CCSER2: variants seen among roughly 807,000 people sequenced by gnomAD.
CCSER2 encodes serine-rich coiled-coil domain-containing protein 2.
In CCSER2, 46 loss-of-function variants were observed where a neutral mutation model predicts 92.3. The observed-to-expected ratio is 0.50, with a 90% CI of 0.39 to 0.64. The LOEUF is 0.64. Ranked by LOEUF, CCSER2 falls within the 30% of genes least tolerant of loss-of-function variation. The probability of loss-of-function intolerance (pLI) is 0.00; values close to 1 mark genes in which losing one functional copy is unlikely to be tolerated. For missense variants in CCSER2, 1,244 were observed against 1,238.9 expected, an observed-to-expected ratio of 1.00 and a Z score of -0.06; for synonymous variants, 433 against 431.4, an observed-to-expected ratio of 1.00 and a Z score of -0.04.
intron 1 of CCSER2, among the ~76,000 whole-genome samples, chr10:84,354,865 C>T (rs1845076190): frequency 6.6e-6 from 1 of 151,504 alleles, no homozygotes; most frequent in Middle Eastern, 3.4e-3. Flanking sequence ...AAACATTATG[C>T]CTGGGGAAAA....
At chr10:84,437,710 GTTTT>G (rs769780704) in intron 5 of CCSER2, among the ~76,000 whole-genome samples, 6 of 126,818 alleles carry the variant, frequency 4.7e-5, no homozygotes, top group African/African-American at 1.1e-4. Context: ...TTTTAGAGTA[GTTTT>G]TTTTTTTTTT....
intron 9 of CCSER2, chr10:84,507,464 C>T (rs1849119149): frequency 5.7e-6 from 1 of 174,986 alleles, no homozygotes; most frequent in Non-Finnish European, 1.1e-5. Flanking sequence ...GGCTCTATTT[C>T]CACCTTCCTT....
chr10:84,397,283 A>G (rs1482218570), intron 3 of CCSER2, among the ~76,000 whole-genome samples: 1 of 152,206 alleles, frequency 6.6e-6, no homozygotes, highest in African/African-American at 2.4e-5. Context: ...CCCAAAGTAT[A>G]ATGTCCTTAA....
chr10:84,367,825 A>G (rs1845860880), intron 1 of CCSER2, among the ~76,000 whole-genome samples: 1 of 149,366 alleles, frequency 6.7e-6, no homozygotes, highest in African/African-American at 2.5e-5. Flanking sequence ...GTTTCATTAG[A>G]TGCATGTTCT....
At chr10:84,483,946 G>A (rs186889964) in intron 9 of CCSER2, among the ~76,000 whole-genome samples, 2,084 of 111,232 alleles carry the variant, frequency 0.019, 32 homozygotes, top group South Asian at 0.062. Context: ...CACCACACCC[G>A]GCTAATTTAT....
intron 1 of CCSER2, among the ~76,000 whole-genome samples, chr10:84,348,075 T>G (rs1844630782): frequency 6.6e-6 from 1 of 152,172 alleles, no homozygotes; most frequent in Admixed American, 6.5e-5. Context: ...GGCTGCAATC[T>G]CGGCACTTTG....
intron 7 of CCSER2, among the ~76,000 whole-genome samples, chr10:84,465,348 G>A (rs1345517433): frequency 8.0e-6 from 1 of 125,400 alleles, no homozygotes; most frequent in African/African-American, 3.0e-5. Flanking sequence ...TTTTTTAGAC[G>A]GAGCCTTGCT....
At chr10:84,444,320 G>T (rs375661860) in intron 6 of CCSER2, among the ~76,000 whole-genome samples, 39 of 152,248 alleles carry the variant, frequency 2.6e-4, no homozygotes, top group African/African-American at 7.7e-4. Flanking sequence ...TACTGTAAGG[G>T]ATATGTAGAA....
Position 84,398,032 on chromosome 10 carries a change from A to G in CCSER2, c.1615-19739A>G, listed in dbSNP as rs538967804. On this transcript the variant is annotated intron_variant, in intron 3 of 9. Coordinates refer to ENST00000372088, the MANE Select transcript of CCSER2 (RefSeq NM_001284240.2). ...CACAAATACAATGGCTTAAAACAAC[A>G]CACTGTTTGTTATCTTACTATCCTC... Among the ~76,000 whole-genome samples the G allele has an allele frequency of 2.6e-5, 4 of 152,296 alleles. No homozygotes were observed. In the East Asian group the frequency reaches 5.8e-4, roughly 22 times the overall value.
At chr10:84,478,230 A>C (rs1414100216) in intron 9 of CCSER2, among the ~76,000 whole-genome samples, 1 of 152,196 alleles carries the variant, frequency 6.6e-6, no homozygotes, top group African/African-American at 2.4e-5. Flanking sequence ...AAAATGTTAT[A>C]TCTCAAAACA....
intron 6 of CCSER2, among the ~76,000 whole-genome samples, chr10:84,460,095 T>A (rs1846010640): frequency 6.9e-6 from 1 of 144,754 alleles, no homozygotes. Context: ...CGATTTTTTT[T>A]TTTTTTTTTT....
intron 6 of CCSER2, among the ~76,000 whole-genome samples, chr10:84,458,071 T>C (rs1310055886): frequency 6.7e-6 from 1 of 149,844 alleles, no homozygotes; most frequent in East Asian, 2.0e-4. Flanking sequence ...TATCATTTTT[T>C]TGCCACCATT....
intron 9 of CCSER2, among the ~76,000 whole-genome samples, chr10:84,489,137 C>T (rs1199334804): frequency 1.3e-5 from 2 of 152,138 alleles, no homozygotes; most frequent in African/African-American, 4.8e-5. Flanking sequence ...TTTACATTTG[C>T]TGAGGAGTGC....
intron 9 of CCSER2, chr10:84,499,762 C>T (rs1179363653): frequency 1.2e-5 from 11 of 926,402 alleles, no homozygotes; most frequent in African/African-American, 1.6e-5. Context: ...TCTGTCTTCT[C>T]GTTAACACTA....
At chr10:84,425,627 CTA>C (rs1247450607) in intron 4 of CCSER2, 102 bp from the exon 5 acceptor site, 34 of 719,428 alleles carry the variant, frequency 4.7e-5, no homozygotes, top group Non-Finnish European at 6.5e-5. Context: ...TATTTTTAAA[CTA>C]TTATTTTTAT....
intron 3 of CCSER2, among the ~76,000 whole-genome samples, chr10:84,386,221 A>C (rs1057116019): frequency 2.0e-5 from 3 of 152,260 alleles, no homozygotes; most frequent in Admixed American, 2.0e-4. Context: ...CATTTGATCC[A>C]GCAGTCCTAC....
At chr10:84,342,237 A>C (rs12767479) in intron 1 of CCSER2, among the ~76,000 whole-genome samples, 8,865 of 152,274 alleles carry the variant, frequency 0.058, 370 homozygotes, top group Admixed American at 0.1. Flanking sequence ...TTTAGGAGCT[A>C]TGTGTCAGGA....
At chr10:84,435,112 G>T (rs1465360654) in intron 5 of CCSER2, among the ~76,000 whole-genome samples, 1 of 152,148 alleles carries the variant, frequency 6.6e-6, no homozygotes, top group East Asian at 1.9e-4. Flanking sequence ...CATGGTGGAG[G>T]TATTTGAAAT....
chr10:84,396,535 C>T lies in CCSER2; in HGVS notation c.1615-21236C>T, dbSNP rs190875138. The stretch of plus-strand genomic sequence containing the variant: ...GGTTCATTTGTTGCTGTTTGTATTT[C>T]GTTTTGGGTTCTGCCCACATCGTGG... On this transcript the variant is annotated intron_variant, in intron 3 of 9. Transcript: ENST00000372088. Among the ~76,000 whole-genome samples, 65 of 151,970 alleles carry T rather than the reference C, an allele frequency of 4.3e-4. 1 individual carries two copies. The highest frequency in any genetic ancestry group is 1.5e-3 in the African/African-American group (62 of 41,464).
Sources: allele counts gnomAD v4.1 joint callset (sites outside exome capture counted in the v4.1 genomes callset), GRCh38; gene constraint gnomAD v4.1.1; transcripts MANE v1.5; gene names NCBI Gene and HGNC (gene_info 2026-07-23, HGNC 2026-07-21).